Variants in PACRG observed in about 807,000 individuals in gnomAD.
PACRG encodes the protein parkin coregulated.
PACRG carries 29 observed loss-of-function variants against 29.7 expected under a neutral mutation model. The ratio of observed to expected loss-of-function variants is 0.98; its 90% CI spans 0.73 to 1.33. PACRG has a LOEUF of 1.33. Ranked by LOEUF, PACRG falls within the 40% of genes most tolerant of loss-of-function variation. PACRG has a pLI of 0.00. For missense variants in PACRG, 279 were observed against 316.2 expected (o/e 0.88, Z 0.89); for synonymous variants, 116 against 118.7 (o/e 0.98, Z 0.15).
At chr6:162,786,268 T>C (rs1784460707) in intron 1 of PACRG, among the ~76,000 whole-genome samples, 1 of 152,152 alleles carries the variant, frequency 6.6e-6, no homozygotes. Flanking sequence ...CTGACTATAA[T>C]CTACATGTAA....
intron 2 of PACRG, among the ~76,000 whole-genome samples, chr6:162,817,406 C>T (rs941913888): frequency 6.6e-6 from 1 of 152,196 alleles, no homozygotes; most frequent in Non-Finnish European, 1.5e-5. Context: ...CTCTCAGTAC[C>T]AGTTTCATGC....
chr6:163,181,313 ACACT>A (rs1451725917), intron 4 of PACRG, among the ~76,000 whole-genome samples: 2 of 152,126 alleles, frequency 1.3e-5, no homozygotes, highest in African/African-American at 4.8e-5. Flanking sequence ...TTTGACCCAC[ACACT>A]CAGCCCCGAT....
intron 2 of PACRG, among the ~76,000 whole-genome samples, chr6:162,977,040 T>C (rs1477596867): frequency 6.6e-6 from 1 of 151,950 alleles, no homozygotes; most frequent in African/African-American, 2.4e-5. Flanking sequence ...AGGACTTGAG[T>C]AAATGAGAAA....
chr6:163,035,352 G>A (rs1003667537), intron 2 of PACRG, among the ~76,000 whole-genome samples: 2 of 151,280 alleles, frequency 1.3e-5, no homozygotes, highest in Non-Finnish European at 2.9e-5. Flanking sequence ...GTCTCTACTA[G>A]AAATACAAAA....
intron 3 of PACRG, among the ~76,000 whole-genome samples, chr6:163,078,647 C>T (rs1039631727): frequency 1.3e-5 from 2 of 152,122 alleles, no homozygotes; most frequent in Non-Finnish European, 2.9e-5. Flanking sequence ...TCATTCTCTG[C>T]CTAAATTACG....
At chr6:163,243,648 TCTC>T in intron 4 of PACRG, among the ~76,000 whole-genome samples, 1 of 152,180 alleles carries the variant, frequency 6.6e-6, no homozygotes, top group South Asian at 2.1e-4. Flanking sequence ...ACCCCAGTGG[TCTC>T]CTCCAGGTTC....
chr6:163,281,612 C>T (rs1784229897), intron 4 of PACRG, among the ~76,000 whole-genome samples: 1 of 151,932 alleles, frequency 6.6e-6, no homozygotes, highest in Admixed American at 6.6e-5. Flanking sequence ...AAGTAGAAAT[C>T]TATAGCAAGA....
At chr6:163,309,681 T>C (rs917206742) in intron 4 of PACRG, among the ~76,000 whole-genome samples, 6 of 152,186 alleles carry the variant, frequency 3.9e-5, no homozygotes, top group African/African-American at 1.4e-4. Context: ...CCTGGGAGAA[T>C]GTTTGGTTCG....
chr6:163,070,832 G>T (rs1398682070), intron 3 of PACRG, among the ~76,000 whole-genome samples: 2 of 150,722 alleles, frequency 1.3e-5, no homozygotes, highest in Non-Finnish European at 3.0e-5. Context: ...GAAGACACAC[G>T]TAGACTGAAA....
chr6:163,114,140 C>T (rs1562923922), intron 4 of PACRG, among the ~76,000 whole-genome samples: 1 of 152,130 alleles, frequency 6.6e-6, no homozygotes, highest in Non-Finnish European at 1.5e-5. Flanking sequence ...ATCCCAGCTA[C>T]TTGGGTGGCT....
At chr6:162,813,259 A>G (rs1293833304) in intron 1 of PACRG, among the ~76,000 whole-genome samples, 1 of 152,012 alleles carries the variant, frequency 6.6e-6, no homozygotes, top group East Asian at 1.9e-4. Context: ...CAAAGTAATA[A>G]TGAATTTATT....
intron 1 of PACRG, among the ~76,000 whole-genome samples, chr6:162,758,424 T>C (rs1782099043): frequency 6.6e-6 from 1 of 152,202 alleles, no homozygotes; most frequent in Admixed American, 6.5e-5. Context: ...ATTTTCATCC[T>C]GTGTATAGGA....
intron 2 of PACRG, among the ~76,000 whole-genome samples, chr6:163,060,304 A>G (rs1325915131): frequency 2.0e-5 from 3 of 152,176 alleles, no homozygotes; most frequent in African/African-American, 7.2e-5. Flanking sequence ...TTAAAAATAT[A>G]GTATAGATGA....
At chr6:162,935,460 C>T (rs1268356550) in intron 2 of PACRG, among the ~76,000 whole-genome samples, 1 of 135,482 alleles carries the variant, frequency 7.4e-6, no homozygotes, top group African/African-American at 2.8e-5. Context: ...TCTTTTTATT[C>T]CTGCTTGATG....
intron 4 of PACRG, among the ~76,000 whole-genome samples, chr6:163,089,792 C>T (rs908501826): frequency 4.6e-5 from 7 of 151,896 alleles, no homozygotes; most frequent in African/African-American, 1.5e-4. Context: ...AGCTTTTTTC[C>T]ATTGGTTTAA....
chr6:163,108,779 T>C (rs773995246), intron 4 of PACRG, among the ~76,000 whole-genome samples: 6 of 152,202 alleles, frequency 3.9e-5, no homozygotes, highest in Non-Finnish European at 7.3e-5. Flanking sequence ...AACAGACTAA[T>C]AACACTGTCC....
At chr6:163,108,256 T>A (rs1815495339) in intron 4 of PACRG, among the ~76,000 whole-genome samples, 1 of 152,128 alleles carries the variant, frequency 6.6e-6, no homozygotes, top group Non-Finnish European at 1.5e-5. Flanking sequence ...CTTTGCTCTC[T>A]TCCTCCTGCT....
At chr6:162,912,572 CTTTTT>C (rs745997012) in intron 2 of PACRG, among the ~76,000 whole-genome samples, 1 of 137,076 alleles carries the variant, frequency 7.3e-6, no homozygotes, top group Non-Finnish European at 1.6e-5. Flanking sequence ...ATATTATATT[CTTTTT>C]TTTTTTTTTT....
At chr6:162,730,697 A>G (rs1057095504) in intron 1 of PACRG, among the ~76,000 whole-genome samples, 5 of 152,044 alleles carry the variant, frequency 3.3e-5, no homozygotes, top group South Asian at 4.1e-4. Context: ...TAAAATCTCA[A>G]TGTCAAATAT....
Sources: gnomAD v4.1 joint callset for allele counts (sites outside exome capture counted in the v4.1 genomes callset) on GRCh38, gnomAD v4.1.1 for gene constraint, MANE v1.5 for transcripts, NCBI Gene and HGNC (gene_info 2026-07-23, HGNC 2026-07-21) for gene names.